Variants in NSMF observed in about 807,000 individuals in gnomAD.
NSMF encodes the protein NMDA receptor synaptonuclear signaling and neuronal migration factor, also known as nasal embryonic LHRH factor.
A neutral mutation model predicts 71.0 loss-of-function variants in NSMF; 31 were observed. The observed-to-expected ratio is 0.44, with a 90% CI of 0.33 to 0.59. NSMF has a LOEUF of 0.59. Ranked by LOEUF, NSMF falls within the 20% of genes least tolerant of loss-of-function variation. The probability of loss-of-function intolerance (pLI) is 0.04; values close to 1 mark genes in which losing one functional copy is unlikely to be tolerated. For missense variants in NSMF, 673 were observed against 740.5 expected (o/e 0.91, Z 1.06); for synonymous variants, 345 against 287.1 (o/e 1.20, Z -2.04).
chr9:137,448,991 T>C lies in NSMF; in HGVS notation c.*403A>G, dbSNP rs1359967754. 1.2e-5 allele frequency: 4 copies of C among 331,534 alleles called. No individual in the cohort carries two copies. The East Asian group carries it at 2.4e-4, about 20-fold the overall frequency. 20.5% of individuals were successfully genotyped at this position (331,534 alleles called of 1,614,324 possible). A position where few individuals can be genotyped will look rare whatever the true frequency, so the allele number is the denominator to read the frequency against. ...TGCTGGGCTGCTGGGCCGGGGTGCCTACACTGTAACTAGCAGCATAGTGCT... is the reference window on the plus strand; with the variant it reads ...TGCTGGGCTGCTGGGCCGGGGTGCCCACACTGTAACTAGCAGCATAGTGCT... On this transcript the variant is annotated 3_prime_UTR_variant, in exon 16 of 16. Coordinates refer to ENST00000371475, the MANE Select transcript of NSMF (RefSeq NM_001130969.3). This position sits in a 1 kb window ranked among gnomAD's most constrained non-coding sequence, Gnocchi z 5.3.
Position 137,456,502 on chromosome 9 carries a change from AG to A in NSMF, c.629-17del. 1.3e-6 allele frequency: 2 copies of A among 1,567,788 alleles called. No homozygotes were observed. The highest frequency in any genetic ancestry group is 1.8e-6 in the Non-Finnish European group (2 of 1,141,872). On this transcript the variant is annotated splice_polypyrimidine_tract_variant and intron_variant, in intron 3 of 15. Coordinates refer to ENST00000371475, the MANE Select transcript of NSMF (RefSeq NM_001130969.3). ...GGGATGTCGTCTAAGAGAGACAAAA[AG>A]GAGCGGTGGCTGGGTGAAGTAGGGG...
At chr9:137,451,828 C>T (rs1309688957) in intron 12 of NSMF, among the ~76,000 whole-genome samples, 1 of 39,478 alleles carries the variant, frequency 2.5e-5, no homozygotes, top group Non-Finnish European at 5.2e-5. Context: ...CTTCATTTCC[C>T]CCCCGCCACA....
At chr9:137,455,189 C>T in intron 6 of NSMF, 50 bp downstream of exon 6, 1 of 1,595,398 alleles carries the variant, frequency 6.3e-7, no homozygotes, top group Non-Finnish European at 8.6e-7. Flanking sequence ...CAGGCCAGGC[C>T]AGCACAGACC....
Position 137,454,967 on chromosome 9 carries a change from A to G in NSMF, c.779+272T>C, listed in dbSNP as rs1830757078. 7.1e-6 allele frequency: 5 copies of G among 708,194 alleles called. No homozygotes were observed. In the South Asian group the frequency reaches 7.5e-5, roughly 11 times the overall value. 43.9% of individuals were successfully genotyped at this position (708,194 alleles called of 1,614,324 possible). On this transcript the variant is annotated intron_variant, in intron 6 of 15. Transcript: ENST00000371475. Reference sequence around the variant, plus strand: ...AAACGGGCAAAAAAGCTTCCCAGACACATCTGTGTGATTGGAGTGGGGGAG... The same window carrying G: ...AAACGGGCAAAAAAGCTTCCCAGACGCATCTGTGTGATTGGAGTGGGGGAG...
chr9:137,458,492 G>A lies in NSMF; in HGVS notation c.129C>T (p.Gly43=), dbSNP rs1352584428. The A allele has an allele frequency of 2.5e-6, 4 of 1,588,252 alleles. No individual in the cohort carries two copies. The highest frequency in any genetic ancestry group is 3.4e-6 in the Non-Finnish European group (4 of 1,170,232). Residue 43 remains glycine (G), a synonymous_variant, in exon 2 of 16, where the codon GGC becomes GGT. Transcript: ENST00000371475. ...LSQSHPENRN[G]ADHLLADAYS... ...CACGGCCTCGCGTGCCCCTACCTGC[G>A]CCGTTGCGGTTCTCAGGGTGACTCT...
At position 137,453,612 on chromosome 9, in the gene NSMF, A is replaced by G; in HGVS notation, c.922+119T>C. On this transcript the variant is annotated intron_variant, in intron 8 of 15. Transcript: ENST00000371475. The surrounding 1 kb of genome is among the most constrained non-coding windows in gnomAD (Gnocchi z 4.5). ...GGCGTCCCCATCTCACAAACAGGTA[A>G]ACCAAGATTCAGGAGTGCAAAAGCG... 1 of 748,738 alleles carries G rather than the reference A, an allele frequency of 1.3e-6. No individual in the cohort carries two copies. The highest frequency in any genetic ancestry group is 2.1e-6 in the Non-Finnish European group (1 of 470,886). The allele number at this position is 748,738 out of a possible 1,614,324, so 46.4% of individuals were successfully genotyped here.
At chr9:137,458,890 G>T in intron 1 of NSMF, 142 bp downstream of exon 1, 1 of 660,692 alleles carries the variant, frequency 1.5e-6, no homozygotes, top group South Asian at 2.5e-5. Flanking sequence ...ACCAGGAAGA[G>T]GGAGGCGCGG....
intron 6 of NSMF, chr9:137,454,818 G>T: frequency 7.5e-7 from 1 of 1,324,564 alleles, no homozygotes; most frequent in Non-Finnish European, 9.9e-7. Flanking sequence ...GCTCCTGTCT[G>T]CACCACCCCA....
At chr9:137,455,468 A>G (rs1830786613) in intron 5 of NSMF, 161 bp from the exon 6 acceptor site, 3 of 1,142,864 alleles carry the variant, frequency 2.6e-6, no homozygotes, top group Non-Finnish European at 3.9e-6. Flanking sequence ...AGCTCCCAGC[A>G]GGCCCTGCTG....
chr9:137,452,482 G>C (rs760206548), intron 11 of NSMF, 47 bp from the exon 12 acceptor site: 1 of 1,612,152 alleles, frequency 6.2e-7, no homozygotes, highest in East Asian at 2.2e-5. Context: ...CCCAGCCCCA[G>C]GGGCACCCCC....
intron 10 of NSMF, 74 bp downstream of exon 10, chr9:137,452,662 T>C: frequency 6.2e-7 from 1 of 1,603,520 alleles, no homozygotes; most frequent in Non-Finnish European, 8.5e-7. Context: ...CCTGGGGACC[T>C]GGGGTGCCGG....
At chr9:137,452,210 C>A (rs1417531005) in intron 12 of NSMF, among the ~76,000 whole-genome samples, 155 bp downstream of exon 12, 2 of 114,770 alleles carry the variant, frequency 1.7e-5, no homozygotes, top group Non-Finnish European at 3.6e-5. Flanking sequence ...CCCCACGCCT[C>A]TTCCCCTTGG....
At chr9:137,456,702 C>T (rs1250514612) in intron 3 of NSMF, among the ~76,000 whole-genome samples, 1 of 152,206 alleles carries the variant, frequency 6.6e-6, no homozygotes, top group Non-Finnish European at 1.5e-5. Context: ...TAACTTGACG[C>T]TTTGATTTTT....
At position 137,457,928 on chromosome 9, in the gene NSMF, C is replaced by G. The variant is rs1218163526; in HGVS notation, c.134-27G>C. 7.8e-6 allele frequency: 12 copies of G among 1,537,688 alleles called. No homozygotes were observed. In the South Asian group the frequency reaches 1.2e-4, roughly 15 times the overall value. The stretch of plus-strand genomic sequence containing the variant: ...TAGGAGAGACACTGAGTGAGCCTGC[C>G]TGCCGCGTGTGGGCCCCCCGCTGCC... On this transcript the variant is annotated intron_variant, in intron 2 of 15. Coordinates refer to ENST00000371475, the MANE Select transcript of NSMF (RefSeq NM_001130969.3).
intron 1 of NSMF, 23 bp downstream of exon 1, chr9:137,459,009 G>T: frequency 7.9e-7 from 1 of 1,273,456 alleles, no homozygotes; most frequent in Non-Finnish European, 9.9e-7. Context: ...CGGGGTGCGG[G>T]AAGGCGGCCC....
chr9:137,450,689 C>T (rs573822432), intron 12 of NSMF, among the ~76,000 whole-genome samples: 2 of 48,490 alleles, frequency 4.1e-5, no homozygotes, highest in African/African-American at 1.9e-4. Flanking sequence ...CCCCACCACA[C>T]GCCTCTTCCC....
At chr9:137,457,380 G>A (rs1412827969) in intron 3 of NSMF, 27 bp downstream of exon 3, 5 of 1,612,690 alleles carry the variant, frequency 3.1e-6, no homozygotes, top group Admixed American at 3.3e-5. Flanking sequence ...CCCCAAACCT[G>A]TCTATGCCCT....
In NSMF at chr9:137,453,883, C is replaced by T; in HGVS notation, c.833-63G>A. The T allele has an allele frequency of 2.1e-6, 3 of 1,410,820 alleles. No individual in the cohort carries two copies. The highest frequency in any genetic ancestry group is 1.2e-5 in the South Asian group (1 of 81,506). The allele number at this position is 1,410,820 out of a possible 1,614,324, so 87.4% of individuals were successfully genotyped here. A position where few individuals can be genotyped will look rare whatever the true frequency, so the allele number is the denominator to read the frequency against. On this transcript the variant is annotated intron_variant, in intron 7 of 15. Coordinates refer to ENST00000371475, the MANE Select transcript of NSMF (RefSeq NM_001130969.3). This position sits in a 1 kb window ranked among gnomAD's most constrained non-coding sequence, Gnocchi z 4.5. Reference sequence around the variant, plus strand: ...GCGGGGCCTCGGGAGTCTCAGACCCCAGGCGAGGGGACCACAGGGGCCCTG... The same window carrying T: ...GCGGGGCCTCGGGAGTCTCAGACCCTAGGCGAGGGGACCACAGGGGCCCTG...
chr9:137,452,236 C>A, intron 12 of NSMF, 129 bp downstream of exon 12: 3 of 710,620 alleles, frequency 4.2e-6, no homozygotes, highest in East Asian at 3.5e-5. Context: ...CCCACAAACA[C>A]CTCTTCCCCT....
Sources: gnomAD v4.1 joint callset for allele counts (sites outside exome capture counted in the v4.1 genomes callset) on GRCh38, gnomAD v4.1.1 for gene constraint, Gnocchi (gnomAD v3.1) non-coding constraint, MANE v1.5 for transcripts, NCBI Gene and HGNC (gene_info 2026-07-23, HGNC 2026-07-21) for gene names.